Variants in HTT observed in about 807,000 individuals in gnomAD.
The protein encoded by HTT is huntingtin.
Under a neutral mutation model 362.3 loss-of-function variants are expected in HTT, and 104 were observed. That is an observed-to-expected ratio of 0.29 (90% CI 0.24 to 0.34). HTT has a LOEUF of 0.34. Among genes scored for constraint, HTT ranks in the 10% least tolerant of loss-of-function variants. HTT has a pLI of 1.00. For synonymous variants in HTT, 1,577 were observed against 1,548.7 expected, an observed-to-expected ratio of 1.02 and a Z score of -0.43; for missense variants, 3,301 against 3,928.6, an observed-to-expected ratio of 0.84 and a Z score of 4.27.
rs201104173 is a variant in HTT at position 3,208,862 on chromosome 4, C to T, written c.6242C>T (p.Pro2081Leu). ...LSPSPPVSSH[P>L]LDGDGHVSLE... is the part of the protein sequence containing the mutation. ...CCCTCTCCTCCAGTCTCTTCCCACCCGCTGGACGGGGATGGGCACGTGTCA... is the reference window on the plus strand; with the variant it reads ...CCCTCTCCTCCAGTCTCTTCCCACCTGCTGGACGGGGATGGGCACGTGTCA... Residue 2081 changes from proline (P) to leucine (L), a missense_variant, in exon 46 of 67, where the codon CCG becomes CTG. By Grantham distance (98) the Pro-to-Leu change is moderately conservative. This residue lies in a region of HTT where 2,316 missense variants were observed against 2,658.5 expected (regional missense o/e 0.87). Coordinates refer to ENST00000355072, the MANE Select transcript of HTT (RefSeq NM_001388492.1). 8.6e-5 allele frequency: 139 copies of T among 1,614,098 alleles called. No individual in the cohort carries two copies. The highest frequency in any genetic ancestry group is 5.8e-4 in the Admixed American group (35 of 60,022).
At chr4:3,155,107 C>T (rs1717077541) in intron 27 of HTT, among the ~76,000 whole-genome samples, 2 of 152,080 alleles carry the variant, frequency 1.3e-5, no homozygotes, top group Admixed American at 1.3e-4. Flanking sequence ...TCTGTACAGT[C>T]TCCCTCCAGA....
At chr4:3,174,904 G>A in intron 32 of HTT, 42 bp from the exon 33 acceptor site, 1 of 1,549,438 alleles carries the variant, frequency 6.5e-7, no homozygotes, top group Non-Finnish European at 8.8e-7. Context: ...TTAGTTGAAG[G>A]CTTACTTATG....
chr4:3,216,753 C>T (rs571155783), intron 51 of HTT, among the ~76,000 whole-genome samples: 8 of 152,088 alleles, frequency 5.3e-5, no homozygotes, highest in Non-Finnish European at 1.0e-4. Context: ...AGGCCGGGCG[C>T]GGTGGCTCAC....
chr4:3,173,540 A>G (rs777270333), intron 31 of HTT, among the ~76,000 whole-genome samples: 3 of 152,222 alleles, frequency 2.0e-5, no homozygotes, highest in African/African-American at 7.2e-5. Context: ...TGTAACAAGG[A>G]TGAAAGAACA....
chr4:3,179,121 T>C (rs1718377466), intron 35 of HTT, among the ~76,000 whole-genome samples: 1 of 152,178 alleles, frequency 6.6e-6, no homozygotes, highest in Admixed American at 6.5e-5. Flanking sequence ...CCTTGCAAAC[T>C]CCCAGATGTG....
Position 3,212,676 on chromosome 4 carries a change from G to T in HTT, c.6741G>T (p.Lys2247Asn). Reference sequence around the variant, plus strand: ...TGCACCTTCCTCCTGAGAAAGAGAAGGACATTGTGAAATTCGTGGTGGCAA... The same window carrying T: ...TGCACCTTCCTCCTGAGAAAGAGAATGACATTGTGAAATTCGTGGTGGCAA... The part of the protein sequence containing the change: ...SHLHLPPEKE[K>N]DIVKFVVATL... The change falls in exon 49 of 67, where the codon AAG (lysine) becomes AAT (asparagine). Residue 2247 changes from lysine to asparagine, a missense_variant. By Grantham distance (94) the Lys-to-Asn change is moderately conservative. Coordinates refer to ENST00000355072, the MANE Select transcript of HTT (RefSeq NM_001388492.1). The T allele has an allele frequency of 6.2e-7, 1 of 1,614,224 alleles. No individual in the cohort carries two copies. The highest frequency in any genetic ancestry group is 2.2e-5 in the East Asian group (1 of 44,888).
At chr4:3,088,416 C>T (rs960669667) in intron 2 of HTT, among the ~76,000 whole-genome samples, 1 of 140,424 alleles carries the variant, frequency 7.1e-6, no homozygotes, top group East Asian at 2.2e-4. Flanking sequence ...CCTCATGACC[C>T]GCTCAACTCA....
At chr4:3,152,341 G>C (rs1488307717) in intron 26 of HTT, among the ~76,000 whole-genome samples, 2 of 152,072 alleles carry the variant, frequency 1.3e-5, no homozygotes, top group African/African-American at 4.8e-5. Context: ...CTCGTGATTA[G>C]CCCGCCTCGG....
intron 1 of HTT, among the ~76,000 whole-genome samples, chr4:3,079,150 C>A (rs748489202): frequency 3.3e-5 from 5 of 152,070 alleles, no homozygotes; most frequent in Non-Finnish European, 5.9e-5. Context: ...CCTGCCTTGG[C>A]CTCCCAAAGT....
At chr4:3,224,152 G>T (rs201594297) in intron 56 of HTT, 21 bp downstream of exon 56, 1 of 1,613,274 alleles carries the variant, frequency 6.2e-7, no homozygotes, top group African/African-American at 1.3e-5. Flanking sequence ...GAAAGGGTGC[G>T]GGGGAGCGGT....
intron 2 of HTT, among the ~76,000 whole-genome samples, chr4:3,094,618 G>A (rs1378322967): frequency 9.7e-5 from 14 of 144,262 alleles, no homozygotes; most frequent in Admixed American, 6.1e-4. Context: ...GCGGCTGGCC[G>A]GGCGGGGGCT....
In HTT at chr4:3,218,634, A is replaced by G. The variant is rs1720530125; in HGVS notation, c.7242+682A>G. On this transcript the variant is annotated intron_variant, in intron 52 of 66. Transcript: ENST00000355072. This position sits in a 1 kb window ranked among gnomAD's most constrained non-coding sequence, Gnocchi z 4.4. ...GGCAACAGAGCAAGACTCCGTCTCA[A>G]AAAAAAAAAAGGTAGGTGTTATTGA... Among the ~76,000 whole-genome samples the G allele has an allele frequency of 6.7e-6, 1 of 149,610 alleles. No homozygotes were observed. The highest frequency in any genetic ancestry group is 2.1e-4 in the South Asian group (1 of 4,736).
In HTT at chr4:3,212,001, G is replaced by T; in HGVS notation, c.6487G>T (p.Ala2163Ser). The change falls in exon 48 of 67, where the codon GCC becomes TCC. Residue 2163 changes from alanine to serine, a missense_variant. Around this residue, in one of 4 missense-constraint regions of HTT, gnomAD observed 2,316 missense variants for 2,658.5 expected, o/e 0.87. Transcript: ENST00000355072. The part of the protein sequence containing the change: ...MSEISGGQKS[A>S]LFEAAREVTL... The stretch of plus-strand genomic sequence containing the variant: ...TGAAATTTCTGGTGGCCAGAAGAGT[G>T]CCCTTTTTGAAGCAGCCCGTGAGGT... The T allele has an allele frequency of 1.2e-6, 2 of 1,614,188 alleles. No homozygotes were observed. The highest frequency in any genetic ancestry group is 4.5e-5 in the East Asian group (2 of 44,878).
chr4:3,203,013 AAAG>A (rs1719661866), intron 41 of HTT: 1 of 152,316 alleles, frequency 6.6e-6, no homozygotes, highest in South Asian at 2.1e-4. Context: ...TCTGGGGAAA[AAAG>A]AAAGAAACGG....
intron 66 of HTT, among the ~76,000 whole-genome samples, chr4:3,239,206 C>T (rs540850634): frequency 6.6e-6 from 1 of 152,258 alleles, no homozygotes; most frequent in African/African-American, 2.4e-5. Flanking sequence ...GCAGGAGGGT[C>T]GCAGCTGAGG....
chr4:3,107,873 A>G (rs552614561), intron 6 of HTT, among the ~76,000 whole-genome samples: 1 of 152,324 alleles, frequency 6.6e-6, no homozygotes, highest in South Asian at 2.1e-4. Flanking sequence ...TGTTTTGTTT[A>G]TAATGTCCAG....
chr4:3,089,243 C>CT (rs1211731383), intron 2 of HTT, among the ~76,000 whole-genome samples: 2 of 152,018 alleles, frequency 1.3e-5, no homozygotes, highest in African/African-American at 4.8e-5. Flanking sequence ...TCATCCAAAG[C>CT]TATATGTTAT....
chr4:3,150,555 C>T (rs1716824684), intron 26 of HTT, among the ~76,000 whole-genome samples: 1 of 152,170 alleles, frequency 6.6e-6, no homozygotes, highest in African/African-American at 2.4e-5. Flanking sequence ...TCTGCCCCTG[C>T]CCCATTTACC....
chr4:3,097,559 G>C (rs1713914881), intron 2 of HTT, among the ~76,000 whole-genome samples: 1 of 152,328 alleles, frequency 6.6e-6, no homozygotes, highest in Non-Finnish European at 1.5e-5. Flanking sequence ...TTGAACCTGG[G>C]AGGCGGAGGT....
Sources: gnomAD v4.1 joint callset for allele counts (sites outside exome capture counted in the v4.1 genomes callset) on GRCh38, gnomAD v4.1.1 for gene constraint, gnomAD v4.1.1 regional missense constraint, Gnocchi (gnomAD v3.1) non-coding constraint, MANE v1.5 for transcripts, NCBI Gene and HGNC (gene_info 2026-07-23, HGNC 2026-07-21) for gene names.